PARD3B: variants seen among roughly 807,000 people sequenced by gnomAD.
PARD3B encodes the protein partitioning defective 3 homolog B.
PARD3B carries 103 observed loss-of-function variants against 130.2 expected under a neutral mutation model. The observed-to-expected ratio is 0.79, with a 90% CI of 0.67 to 0.93. The LOEUF is 0.93. Among genes scored for constraint, PARD3B ranks in the 40% least tolerant of loss-of-function variants. The probability of loss-of-function intolerance (pLI) is 0.00; values close to 1 mark genes in which losing one functional copy is unlikely to be tolerated. For missense variants in PARD3B, 1,609 were observed against 1,499.2 expected (o/e 1.07, Z -1.21); for synonymous variants, 583 against 553.2 (o/e 1.05, Z -0.76).
rs550278645 is a variant in PARD3B, at chr2:205,285,430, A to G, written c.2186-15100A>G. On this transcript the variant is annotated intron_variant, in intron 16 of 22. Transcript: ENST00000406610. ...TAAGTCCCTGCCTTGCCTATTGTCCATGTGCATTAGAGTGACTATGTTTGG... is the reference window on the plus strand; with the variant it reads ...TAAGTCCCTGCCTTGCCTATTGTCCGTGTGCATTAGAGTGACTATGTTTGG... Among the ~76,000 whole-genome samples, 8 of 152,252 alleles carry G rather than the reference A, an allele frequency of 5.3e-5. No homozygotes were observed. In the South Asian group the frequency reaches 1.2e-3, roughly 24 times the overall value.
At chr2:204,780,709 A>C (rs1220454050) in intron 2 of PARD3B, among the ~76,000 whole-genome samples, 1 of 152,128 alleles carries the variant, frequency 6.6e-6, no homozygotes, top group Non-Finnish European at 1.5e-5. Flanking sequence ...GAGTGGAAAA[A>C]CAGACGCATT....
chr2:205,511,781 A>G (rs962221447), intron 21 of PARD3B, among the ~76,000 whole-genome samples: 1 of 152,224 alleles, frequency 6.6e-6, no homozygotes, highest in Non-Finnish European at 1.5e-5. Flanking sequence ...TATCACTTAA[A>G]TTTGACAACA....
chr2:204,696,856 T>C (rs1229556348), intron 2 of PARD3B, among the ~76,000 whole-genome samples: 1 of 152,086 alleles, frequency 6.6e-6, no homozygotes, highest in Non-Finnish European at 1.5e-5. Context: ...CAAGTGACAT[T>C]TTCTTAACAA....
At chr2:205,356,953 AC>A (rs1177361759) in intron 18 of PARD3B, among the ~76,000 whole-genome samples, 2 of 152,092 alleles carry the variant, frequency 1.3e-5, no homozygotes, top group Non-Finnish European at 2.9e-5. Flanking sequence ...ACACAAGGAA[AC>A]TTTTGGGGAA....
intron 10 of PARD3B, among the ~76,000 whole-genome samples, chr2:205,156,450 T>C (rs552108997): frequency 6.6e-6 from 1 of 152,074 alleles, no homozygotes; most frequent in South Asian, 2.1e-4. Flanking sequence ...TGTGTCACCT[T>C]AAAATTGTAT....
intron 15 of PARD3B, among the ~76,000 whole-genome samples, chr2:205,213,840 T>C (rs2037773487): frequency 6.6e-6 from 1 of 152,096 alleles, no homozygotes; most frequent in Non-Finnish European, 1.5e-5. Flanking sequence ...TTTCATTAAA[T>C]AAAGAAGAAT....
rs564009160 is a variant in PARD3B, at chr2:204,888,263, C to G, written c.223-76889C>G. On this transcript the variant is annotated intron_variant, in intron 2 of 22. Coordinates refer to ENST00000406610, the MANE Select transcript of PARD3B (RefSeq NM_001302769.2). ...GAGGATACCAGGCTTGAAGTGTTCC[C>G]AACAGAGAATATTGGGTGGCAAGTG... Among the ~76,000 whole-genome samples the G allele has an allele frequency of 1.6e-3, 248 of 152,112 alleles. 5 individuals carry two copies. The highest frequency in any genetic ancestry group is 0.014 in the Middle Eastern group (4 of 294).
chr2:205,046,437 G>GT (rs1281404090), intron 3 of PARD3B, among the ~76,000 whole-genome samples: 1 of 150,724 alleles, frequency 6.6e-6, no homozygotes, highest in Admixed American at 6.6e-5. Context: ...TTTGGCATAG[G>GT]TTTGTGTCCT....
intron 1 of PARD3B, among the ~76,000 whole-genome samples, chr2:204,681,987 C>T (rs1320012015): frequency 6.6e-6 from 1 of 152,106 alleles, no homozygotes; most frequent in East Asian, 1.9e-4. Flanking sequence ...TGAAGGTTTC[C>T]CCACTTAATT....
At chr2:205,206,715 C>T (rs2037335326) in intron 15 of PARD3B, among the ~76,000 whole-genome samples, 2 of 151,970 alleles carry the variant, frequency 1.3e-5, no homozygotes. Flanking sequence ...GCTTTATAGT[C>T]CTTTGGGTAT....
intron 2 of PARD3B, among the ~76,000 whole-genome samples, chr2:204,827,608 C>CAT (rs2043633754): frequency 6.6e-6 from 1 of 152,220 alleles, no homozygotes; most frequent in South Asian, 2.1e-4. Flanking sequence ...ATGAAGTTGA[C>CAT]ATGTGGAAGA....
At chr2:204,599,328 C>T (rs2033418043) in intron 1 of PARD3B, among the ~76,000 whole-genome samples, 1 of 151,926 alleles carries the variant, frequency 6.6e-6, no homozygotes, top group African/African-American at 2.4e-5. Context: ...ACAAATTTCT[C>T]CCTACCTCTT....
At chr2:204,596,917 A>ACTCTCTCTCTCTCTCT (rs560128486) in intron 1 of PARD3B, among the ~76,000 whole-genome samples, 1 of 125,170 alleles carries the variant, frequency 8.0e-6, no homozygotes, top group African/African-American at 3.0e-5. Flanking sequence ...AAACTCACTC[A>ACTCTCTCTCTCTCTCT]CTCTCTCTCT....
chr2:205,237,973 A>G (rs1171372955), intron 15 of PARD3B, among the ~76,000 whole-genome samples: 1 of 152,226 alleles, frequency 6.6e-6, no homozygotes, highest in Non-Finnish European at 1.5e-5. Flanking sequence ...GTGTTTAAAT[A>G]CATTTACACT....
intron 21 of PARD3B, among the ~76,000 whole-genome samples, chr2:205,543,901 C>A (rs2052276069): frequency 6.6e-6 from 1 of 152,094 alleles, no homozygotes; most frequent in South Asian, 2.1e-4. Context: ...CTAAAATATG[C>A]TAGAGAGCTT....
intron 10 of PARD3B, among the ~76,000 whole-genome samples, chr2:205,152,511 C>G (rs1252260898): frequency 6.6e-6 from 1 of 152,168 alleles, no homozygotes; most frequent in Non-Finnish European, 1.5e-5. Context: ...ATTTGATCTT[C>G]AATCACTGAT....
Position 205,617,768 on chromosome 2 carries a change from C to T in PARD3B, c.*1955C>T, listed in dbSNP as rs1308022900. The T allele has an allele frequency of 6.6e-6, 1 of 152,204 alleles. No homozygotes were observed. The highest frequency in any genetic ancestry group is 2.1e-4 in the South Asian group (1 of 4,828). 9.4% of individuals were successfully genotyped at this position (152,204 alleles called of 1,614,324 possible). On this transcript the variant is annotated 3_prime_UTR_variant, in exon 23 of 23. Coordinates refer to ENST00000406610, the MANE Select transcript of PARD3B (RefSeq NM_001302769.2). ...TCCCTGCTGACCTGCTGAATGCTAC[C>T]TTCCCCTCGAGTTGAATACACCTTA...
At chr2:204,909,473 C>A (rs2047155017) in intron 2 of PARD3B, among the ~76,000 whole-genome samples, 1 of 152,082 alleles carries the variant, frequency 6.6e-6, no homozygotes, top group South Asian at 2.1e-4. Flanking sequence ...TGGAAGATGG[C>A]CATCATAAAT....
chr2:204,577,701 A>AGCTGGGACTACAGCATGTGCC (rs916403655), intron 1 of PARD3B, among the ~76,000 whole-genome samples: 8 of 152,100 alleles, frequency 5.3e-5, no homozygotes, highest in African/African-American at 1.9e-4. Flanking sequence ...CCTCCTAAGG[A>AGCTGGGACTACAGCATGTGCC]GCTGGGACTA....
Sources: gnomAD v4.1 joint callset for allele counts (sites outside exome capture counted in the v4.1 genomes callset) on GRCh38, gnomAD v4.1.1 for gene constraint, MANE v1.5 for transcripts, NCBI Gene and HGNC (gene_info 2026-07-23, HGNC 2026-07-21) for gene names.